ANK3: variants seen among roughly 807,000 people sequenced by gnomAD.
ANK3 encodes the protein ankyrin 3.
ANK3 carries 57 observed loss-of-function variants against 370.9 expected under a neutral mutation model. That is an observed-to-expected ratio of 0.15 (90% CI 0.12 to 0.19). The LOEUF is 0.19. Among genes scored for constraint, ANK3 ranks in the 10% least tolerant of loss-of-function variants. The pLI is 1.00. For missense variants in ANK3, 4,439 were observed against 5,302.1 expected, an observed-to-expected ratio of 0.84 and a Z score of 5.06; for synonymous variants, 1,929 against 1,946.3, an observed-to-expected ratio of 0.99 and a Z score of 0.23.
At chr10:60,706,597 T>G (rs190284594) in intron 1 of ANK3, among the ~76,000 whole-genome samples, 3 of 152,364 alleles carry the variant, frequency 2.0e-5, no homozygotes, top group Admixed American at 2.0e-4. Flanking sequence ...TGTCTTTGAC[T>G]GTTGAGTCGC....
intron 1 of ANK3, among the ~76,000 whole-genome samples, chr10:60,319,888 C>T (rs2048260688): frequency 1.3e-5 from 2 of 152,106 alleles, no homozygotes; most frequent in South Asian, 4.1e-4. Context: ...TTTCCCTAGT[C>T]ACCCCAACTT....
chr10:60,263,213 T>A (rs1240152248), intron 6 of ANK3, among the ~76,000 whole-genome samples: 1 of 152,118 alleles, frequency 6.6e-6, no homozygotes, highest in Non-Finnish European at 1.5e-5. Context: ...CTATTGGTGA[T>A]ATGGATTGCA....
intron 27 of ANK3, chr10:60,108,122 G>GA (rs1418645708): frequency 2.1e-5 from 8 of 382,640 alleles, no homozygotes; most frequent in African/African-American, 4.4e-5. Flanking sequence ...GGGTGTGACA[G>GA]AAAAAAATTG....
intron 1 of ANK3, among the ~76,000 whole-genome samples, chr10:60,624,944 C>T (rs769008894): frequency 7.9e-5 from 12 of 152,096 alleles, no homozygotes; most frequent in East Asian, 3.9e-4. Flanking sequence ...GAGAAGTACG[C>T]GTGACTTCAA....
intron 1 of ANK3, among the ~76,000 whole-genome samples, chr10:60,625,811 A>T (rs1401251071): frequency 6.6e-6 from 1 of 152,228 alleles, no homozygotes; most frequent in Admixed American, 6.5e-5. Context: ...GTTTTTCAAA[A>T]GAATGCATGG....
At chr10:60,715,042 C>G (rs1212892830) in intron 1 of ANK3, among the ~76,000 whole-genome samples, 1 of 151,608 alleles carries the variant, frequency 6.6e-6, no homozygotes, top group Non-Finnish European at 1.5e-5. Context: ...ATCACTTTAC[C>G]CAAGGTGTTA....
At chr10:60,465,785 C>CTTTTTTTTT (rs1409653171) in intron 2 of ANK3, among the ~76,000 whole-genome samples, 1 of 119,382 alleles carries the variant, frequency 8.4e-6, no homozygotes. Context: ...TCTTTTTTTT[C>CTTTTTTTTT]TTTCTTTTTT....
At chr10:60,492,597 C>T (rs12412088) in intron 2 of ANK3, among the ~76,000 whole-genome samples, 4,339 of 149,904 alleles carry the variant, frequency 0.029, 81 homozygotes, top group East Asian at 0.073. Flanking sequence ...GTCCCAGCTA[C>T]TTGGGAGGCT....
chr10:60,546,416 C>T (rs535683873), intron 2 of ANK3, among the ~76,000 whole-genome samples: 73 of 152,240 alleles, frequency 4.8e-4, no homozygotes, highest in Admixed American at 4.5e-3. Context: ...ATTCTTTATT[C>T]CATTTTTATC....
At chr10:60,382,803 AT>A (rs2061722641) in intron 1 of ANK3, among the ~76,000 whole-genome samples, 2 of 125,388 alleles carry the variant, frequency 1.6e-5, no homozygotes, top group African/African-American at 5.8e-5. Context: ...AAATCTATAT[AT>A]ATATATATAT....
At chr10:60,666,141 C>T (rs1372807082) in intron 1 of ANK3, among the ~76,000 whole-genome samples, 2 of 151,880 alleles carry the variant, frequency 1.3e-5, no homozygotes, top group Admixed American at 6.6e-5. Context: ...TCAAAATAGC[C>T]GAAAGTATAA....
At chr10:60,206,241 G>A (rs772496446) in intron 10 of ANK3, among the ~76,000 whole-genome samples, 1 of 152,164 alleles carries the variant, frequency 6.6e-6, no homozygotes, top group Non-Finnish European at 1.5e-5. Context: ...GGGAGGCTGA[G>A]GTGGGTGGAT....
chr10:60,436,674 T>A (rs944712259), intron 2 of ANK3, among the ~76,000 whole-genome samples: 1 of 152,230 alleles, frequency 6.6e-6, no homozygotes, highest in Non-Finnish European at 1.5e-5. Flanking sequence ...ATCATTGAGT[T>A]GCAAGGATTT....
intron 2 of ANK3, among the ~76,000 whole-genome samples, chr10:60,609,243 ACTT>A (rs1037772077): frequency 6.6e-6 from 1 of 152,148 alleles, no homozygotes; most frequent in African/African-American, 2.4e-5. Context: ...TGGTCTAGTA[ACTT>A]CTTCATGATT....
At chr10:60,359,169 G>A (rs185004085) in intron 1 of ANK3, among the ~76,000 whole-genome samples, 2 of 152,210 alleles carry the variant, frequency 1.3e-5, no homozygotes, top group Admixed American at 1.3e-4. Flanking sequence ...AGGAATGCCT[G>A]ATGTCTGCTT....
At chr10:60,122,315 G>A (rs1460421128) in intron 25 of ANK3, among the ~76,000 whole-genome samples, 2 of 152,238 alleles carry the variant, frequency 1.3e-5, no homozygotes, top group African/African-American at 2.4e-5. Context: ...AGAGTGAGCA[G>A]TCTCCTCTTC....
chr10:60,427,035 A>G (rs1254059853), intron 2 of ANK3, among the ~76,000 whole-genome samples: 1 of 152,112 alleles, frequency 6.6e-6, no homozygotes. Flanking sequence ...ATTCTATGCC[A>G]CCAGGCTGGC....
chr10:60,032,013 G>A (rs568579278), intron 43 of ANK3, among the ~76,000 whole-genome samples: 2 of 151,890 alleles, frequency 1.3e-5, no homozygotes, highest in Non-Finnish European at 2.9e-5. Context: ...TGATGATCAG[G>A]ATTTTCTCAC....
At chr10:60,375,500 G>A (rs372399078) in intron 1 of ANK3, among the ~76,000 whole-genome samples, 4 of 152,026 alleles carry the variant, frequency 2.6e-5, no homozygotes, top group African/African-American at 4.8e-5. Context: ...CCTGCCTGGG[G>A]GGGGAGGGGG....
Sources: allele counts gnomAD v4.1 joint callset (sites outside exome capture counted in the v4.1 genomes callset), GRCh38; gene constraint gnomAD v4.1.1; transcripts MANE v1.5; gene names NCBI Gene and HGNC (gene_info 2026-07-23, HGNC 2026-07-21).